Variants in RYR2 observed in about 807,000 individuals in gnomAD.
RYR2 encodes the protein ryanodine receptor 2.
RYR2 carries 227 observed loss-of-function variants against 601.1 expected under a neutral mutation model. The ratio of observed to expected loss-of-function variants is 0.38; its 90% CI spans 0.34 to 0.42. The LOEUF is 0.42. RYR2 is among the 10% of genes least tolerant of loss of function. The probability of loss-of-function intolerance (pLI) is 1.00; values close to 1 mark genes in which losing one functional copy is unlikely to be tolerated. For missense variants in RYR2, 4,646 were observed against 6,156.5 expected (o/e 0.75, Z 8.21); for synonymous variants, 2,223 against 2,175.1 (o/e 1.02, Z -0.61).
intron 98 of RYR2, among the ~76,000 whole-genome samples, chr1:237,802,986 GCCAATCA>G (rs1660152255): frequency 6.6e-6 from 1 of 152,114 alleles, no homozygotes; most frequent in Non-Finnish European, 1.5e-5. Flanking sequence ...CTTCTGTTTG[GCCAATCA>G]CCTCTCAACA....
intron 1 of RYR2, among the ~76,000 whole-genome samples, chr1:237,213,381 T>A (rs550939121): frequency 1.3e-5 from 2 of 152,142 alleles, no homozygotes; most frequent in East Asian, 3.9e-4. Context: ...TCTCCCTCTG[T>A]TGCTTAGATT....
Position 237,831,514 on chromosome 1 carries a change from G to GT in RYR2, c.14763dup (p.Leu4922SerfsTer9), listed in dbSNP as rs760269158. 1.3e-6 allele frequency: 2 copies of GT among 1,540,866 alleles called. No homozygotes were observed. The highest frequency in any genetic ancestry group is 1.4e-5 in the African/African-American group (1 of 73,488). On this transcript the variant is annotated frameshift_variant and splice_region_variant, in exon 104 of 105. Coordinates refer to ENST00000366574, the MANE Select transcript of RYR2 (RefSeq NM_001035.3). LOFTEE classifies it high-confidence loss of function. ...CTGATCAGTTTCTCTGTATCTGTAG[G>GT]TTTTTTCTGATGTATCTTATAAACA...
intron 1 of RYR2, among the ~76,000 whole-genome samples, chr1:237,145,477 C>A (rs567673169): frequency 6.6e-6 from 1 of 152,098 alleles, no homozygotes; most frequent in Non-Finnish European, 1.5e-5. Flanking sequence ...TATCTCCTGG[C>A]GCCATATGCA....
intron 79 of RYR2, among the ~76,000 whole-genome samples, chr1:237,734,407 A>G (rs940820501): frequency 6.6e-6 from 1 of 152,132 alleles, no homozygotes; most frequent in Non-Finnish European, 1.5e-5. Flanking sequence ...CCATGATCCA[A>G]TCACCTCCCA....
At chr1:237,175,296 T>C (rs1180851176) in intron 1 of RYR2, among the ~76,000 whole-genome samples, 1 of 152,176 alleles carries the variant, frequency 6.6e-6, no homozygotes, top group African/African-American at 2.4e-5. Context: ...TTAGAGATAA[T>C]TTCTCCTCTT....
intron 94 of RYR2, 98 bp downstream of exon 94, chr1:237,792,421 GTGTTT>G: frequency 1.3e-6 from 1 of 750,136 alleles, no homozygotes. Context: ...GTGTGTGTGT[GTGTTT>G]TGCAGGCTGG....
intron 56 of RYR2, among the ~76,000 whole-genome samples, chr1:237,663,660 T>C (rs780784846): frequency 2.0e-5 from 3 of 152,210 alleles, no homozygotes; most frequent in African/African-American, 4.8e-5. Flanking sequence ...TTGTGAGTGT[T>C]CTGGTTATGA....
At chr1:237,393,465 A>G (rs1022563446) in intron 10 of RYR2, among the ~76,000 whole-genome samples, 1 of 152,196 alleles carries the variant, frequency 6.6e-6, no homozygotes, top group Non-Finnish European at 1.5e-5. Flanking sequence ...AAAGAGATGC[A>G]TAGTTTATAT....
At chr1:237,630,308 G>C (rs1281068379) in intron 41 of RYR2, among the ~76,000 whole-genome samples, 6 of 152,076 alleles carry the variant, frequency 3.9e-5, no homozygotes, top group Non-Finnish European at 1.5e-5. Flanking sequence ...TTCATTCAAA[G>C]ATTTGAATTA....
In RYR2 at chr1:237,346,367, C is replaced by CAAAA. The variant is rs397975831; in HGVS notation, c.274-9584_274-9581dup. On this transcript the variant is annotated intron_variant, in intron 3 of 104. Transcript: ENST00000366574. ...CTGGGCAAAGTGAGAGGGTCTACCT[C>CAAAA]AAAAAAAAAAAAAAAAAGTGCATAT... is the stretch of plus-strand genomic sequence containing the variant. 2.9e-3 allele frequency among the ~76,000 whole-genome samples: 183 copies of CAAAA among 62,348 alleles called. 5 individuals are homozygous for CAAAA. The highest frequency in any genetic ancestry group is 0.011 in the Middle Eastern group (1 of 88). The allele number at this position is 62,348 out of a possible 152,430, so 40.9% of individuals were successfully genotyped here.
chr1:237,676,305 T>G (rs1158917520), intron 60 of RYR2, among the ~76,000 whole-genome samples: 1 of 152,178 alleles, frequency 6.6e-6, no homozygotes, highest in Non-Finnish European at 1.5e-5. Flanking sequence ...ATTTAGGTAT[T>G]ATTCACAGTT....
intron 2 of RYR2, among the ~76,000 whole-genome samples, chr1:237,271,200 G>A (rs373229045): frequency 1.4e-4 from 22 of 152,182 alleles, no homozygotes; most frequent in Middle Eastern, 3.4e-3. Context: ...GTAGTAAGTA[G>A]TCAGATACTG....
At chr1:237,673,756 GT>G (rs1411208557) in intron 58 of RYR2, among the ~76,000 whole-genome samples, 1 of 152,126 alleles carries the variant, frequency 6.6e-6, no homozygotes, top group Non-Finnish European at 1.5e-5. Context: ...TTTAGCATTT[GT>G]TTCTACTCTC....
intron 17 of RYR2, among the ~76,000 whole-genome samples, chr1:237,473,122 T>C (rs1346600058): frequency 6.6e-6 from 1 of 152,042 alleles, no homozygotes; most frequent in East Asian, 1.9e-4. Flanking sequence ...ATTTGTAAAG[T>C]ACATAAAAAA....
intron 24 of RYR2, among the ~76,000 whole-genome samples, chr1:237,515,975 T>C: frequency 6.8e-6 from 1 of 147,950 alleles, no homozygotes; most frequent in African/African-American, 2.5e-5. Flanking sequence ...CTCTTCTCCT[T>C]CTTCTCCTCC....
intron 92 of RYR2, among the ~76,000 whole-genome samples, chr1:237,788,616 C>T (rs1458173950): frequency 1.3e-5 from 2 of 152,088 alleles, no homozygotes; most frequent in Non-Finnish European, 2.9e-5. Flanking sequence ...TCTATAACAT[C>T]ACCCTTTTAC....
chr1:237,374,326 C>T (rs758625159), intron 6 of RYR2, among the ~76,000 whole-genome samples: 1 of 151,376 alleles, frequency 6.6e-6, no homozygotes, highest in Non-Finnish European at 1.5e-5. Flanking sequence ...TTTGAGATCA[C>T]CTTGGGCAAC....
chr1:237,830,250 A>G (rs1663623416), intron 102 of RYR2: 2 of 313,648 alleles, frequency 6.4e-6, no homozygotes, highest in Non-Finnish European at 1.2e-5. Context: ...TAGGCTAGAG[A>G]AAGGAAGAGA....
chr1:237,238,411 T>G (rs1197299164), intron 1 of RYR2, among the ~76,000 whole-genome samples: 2 of 152,328 alleles, frequency 1.3e-5, no homozygotes, highest in African/African-American at 2.4e-5. Context: ...CTTCTGTAAC[T>G]TCTGTCCCTC....
Sources: allele counts gnomAD v4.1 joint callset (sites outside exome capture counted in the v4.1 genomes callset), GRCh38; gene constraint gnomAD v4.1.1; transcripts MANE v1.5; gene names NCBI Gene and HGNC (gene_info 2026-07-23, HGNC 2026-07-21).